FBXO43: variants seen among roughly 807,000 people sequenced by gnomAD.
The protein encoded by FBXO43 is F-box protein 43, also known as F-box only protein 43.
In FBXO43, 22 loss-of-function variants were observed where a neutral mutation model predicts 56.7. The ratio of observed to expected loss-of-function variants is 0.39; its 90% CI spans 0.28 to 0.55. The LOEUF (loss-of-function observed/expected upper bound fraction) is 0.55. FBXO43 is among the 20% of genes least tolerant of loss of function. FBXO43 has a pLI of 0.66. For synonymous variants in FBXO43, 306 were observed against 294.5 expected, an observed-to-expected ratio of 1.04 and a Z score of -0.40; for missense variants, 733 against 814.9, an observed-to-expected ratio of 0.90 and a Z score of 1.22.
rs1586349376 is a variant in FBXO43 at position 100,141,328 on chromosome 8, T to G, written c.926A>C (p.Asn309Thr). 2 of 1,613,774 alleles carry G rather than the reference T, an allele frequency of 1.2e-6. No individual in the cohort carries two copies. The highest frequency in any genetic ancestry group is 1.7e-5 in the Admixed American group (1 of 60,008). Residue 309 changes from asparagine to threonine, a missense_variant, in exon 2 of 5, where the codon AAC becomes ACC. Asn to Thr is a moderately conservative substitution (Grantham distance 65). Transcript: ENST00000428847. The part of the protein sequence containing the change: ...FVTPISNLVA[N>T]IRFNASQILS... ...TATTTGACTTGCGTTAAATCTAATG[T>G]TTGCCACAAGATTACTTATCGGAGT...
intron 1 of FBXO43, among the ~76,000 whole-genome samples, chr8:100,143,636 A>G (rs1266081538): frequency 1.6e-5 from 2 of 126,018 alleles, no homozygotes; most frequent in Non-Finnish European, 3.3e-5. Flanking sequence ...ATTTTGTTTT[A>G]CAAATATTAA....
chr8:100,140,754 T>G lies in FBXO43; in HGVS notation c.1500A>C (p.Glu500Asp). The stretch of plus-strand genomic sequence containing the variant: ...TATGCTTTAAATTTCTATATTTTAA[T>G]TCTGTTAAGATGTCCAGTTTTTCTA... ...MGIEKLDILT[E>D]LKYRNLKHIL... Residue 500 changes from glutamate to aspartate, a missense_variant, in exon 2 of 5, where the codon GAA becomes GAC. Transcript: ENST00000428847. 6.2e-7 allele frequency: 1 copy of G among 1,613,696 alleles called. No individual in the cohort carries two copies. The highest frequency in any genetic ancestry group is 1.7e-5 in the Admixed American group (1 of 59,960).
chr8:100,142,121 T>G lies in FBXO43; in HGVS notation c.133A>C (p.Thr45Pro). The G allele has an allele frequency of 6.2e-7, 1 of 1,606,770 alleles. No individual in the cohort carries two copies. Among genetic ancestry groups the G allele is most frequent in the Non-Finnish European group, 8.5e-7 (1 of 1,177,686 alleles). ...GAGTCCGCCCCATTTCCTGCTTCAG[T>G]GCCAGCTTGACCTGAGTGCCTTTGC... The part of the protein sequence containing the change: ...MSQRHSGQAG[T>P]EAGNGADSPP... Residue 45 changes from threonine (T) to proline (P), a missense_variant, in exon 2 of 5, where the codon ACT becomes CCT. By Grantham distance (38) the Thr-to-Pro change is conservative. Coordinates refer to ENST00000428847, the MANE Select transcript of FBXO43 (RefSeq NM_001029860.4).
intron 1 of FBXO43, among the ~76,000 whole-genome samples, chr8:100,142,619 G>C (rs1423042059): frequency 6.6e-6 from 1 of 152,030 alleles, no homozygotes; most frequent in Non-Finnish European, 1.5e-5. Context: ...TTGGGAATGT[G>C]TCAAATAATG....
rs962073265 is a variant in FBXO43 at position 100,134,350 on chromosome 8, A to C, written c.1689T>G (p.Asn563Lys). Residue 563 changes from asparagine (N) to lysine (K), a missense_variant, in exon 4 of 5, where the codon AAT becomes AAG. By Grantham distance (94) the Asn-to-Lys change is moderately conservative. Transcript: ENST00000428847. The stretch of plus-strand genomic sequence containing the variant: ...GGAGCCGAGTGGCAGCATCCTCGAC[A>C]TTTAATACAGCCCCCTGTGGTAAAG... ...LKTDSEGAVL[N>K]VEDAATRLQL... 1 of 1,613,474 alleles carries C rather than the reference A, an allele frequency of 6.2e-7. No individual in the cohort carries two copies. Among genetic ancestry groups the C allele is most frequent in the Non-Finnish European group, 8.5e-7 (1 of 1,180,012 alleles).
At position 100,145,429 on chromosome 8, in the gene FBXO43, A is replaced by G. The variant is rs1586356149; in HGVS notation, c.-294T>C. Reference sequence around the variant, plus strand: ...CTGGCACTGACTCCCCCGAGGAGCTATGGCGGGCGGGTGGGTAACGGTCTC... The same window carrying G: ...CTGGCACTGACTCCCCCGAGGAGCTGTGGCGGGCGGGTGGGTAACGGTCTC... On this transcript the variant is annotated 5_prime_UTR_variant, in exon 1 of 5. Transcript: ENST00000428847. 7.7e-6 allele frequency: 2 copies of G among 259,596 alleles called. No homozygotes were observed. Among genetic ancestry groups the G allele is most frequent in the South Asian group, 2.0e-4 (2 of 10,102 alleles). The allele number at this position is 259,596 out of a possible 1,614,324, so 16.1% of individuals were successfully genotyped here.
chr8:100,140,518 C>G (rs1434112669), intron 2 of FBXO43, among the ~76,000 whole-genome samples, 165 bp downstream of exon 2: 2 of 152,126 alleles, frequency 1.3e-5, no homozygotes, highest in East Asian at 3.9e-4. Context: ...ACGGAAGGAT[C>G]TGTACTAGGT....
rs1395678680 is a variant in FBXO43, at chr8:100,134,289, C to A, written c.1750G>T (p.Ala584Ser). Residue 584 changes from alanine to serine, a missense_variant, in exon 4 of 5, where the codon GCA becomes TCA. Ala to Ser is a moderately conservative substitution (Grantham distance 99, BLOSUM62 1). Coordinates refer to ENST00000428847, the MANE Select transcript of FBXO43 (RefSeq NM_001029860.4). ...TGAGAACCAGGTATCCTAGCCTGTGCCTGCACAGATCTTAAAGCTGAGCGA... is the reference window on the plus strand; with the variant it reads ...TGAGAACCAGGTATCCTAGCCTGTGACTGCACAGATCTTAAAGCTGAGCGA... ...LNRSALRSVQ[A>S]QARIPGSQRE... 1 of 1,614,098 alleles carries A rather than the reference C, an allele frequency of 6.2e-7. No homozygotes were observed. Among genetic ancestry groups the A allele is most frequent in the South Asian group, 1.1e-5 (1 of 91,080 alleles).
At chr8:100,142,506 G>T (rs986737273) in intron 1 of FBXO43, among the ~76,000 whole-genome samples, 1 of 152,112 alleles carries the variant, frequency 6.6e-6, no homozygotes, top group African/African-American at 2.4e-5. Flanking sequence ...ATTACCTTAT[G>T]ATTTTCACAG....
Position 100,145,138 on chromosome 8 carries a change from CA to C in FBXO43, c.-4del. The C allele has an allele frequency of 1.2e-6, 2 of 1,605,284 alleles. No individual in the cohort carries two copies. Among genetic ancestry groups the C allele is most frequent in the East Asian group, 4.5e-5 (2 of 44,820 alleles). Reference sequence around the variant, plus strand: ...TCATCTTTGTCTTTAAAACTCATGCCAAAATAATGCCACTTAAAGAGGAAAA... The same window carrying C: ...TCATCTTTGTCTTTAAAACTCATGCCAAATAATGCCACTTAAAGAGGAAAA... On this transcript the variant is annotated 5_prime_UTR_variant, in exon 1 of 5. Coordinates refer to ENST00000428847, the MANE Select transcript of FBXO43 (RefSeq NM_001029860.4).
chr8:100,141,014 C>G lies in FBXO43; in HGVS notation c.1240G>C (p.Ala414Pro). 1 of 1,614,250 alleles carries G rather than the reference C, an allele frequency of 6.2e-7. No homozygotes were observed. The highest frequency in any genetic ancestry group is 8.5e-7 in the Non-Finnish European group (1 of 1,180,040). Residue 414 changes from alanine (A) to proline (P), a missense_variant, in exon 2 of 5, where the codon GCT becomes CCT. Transcript: ENST00000428847. The stretch of plus-strand genomic sequence containing the variant: ...AGCTGACCCTCTGAGATGGCAGAAG[C>G]AGCTGCTGCTCTTTTTTCAGAGTCA... ...HPDSEKRAAA[A>P]SAISEGQLSS...
At chr8:100,142,195 G>A in intron 1 of FBXO43, 27 bp from the exon 2 acceptor site, 1 of 1,507,748 alleles carries the variant, frequency 6.6e-7, no homozygotes, top group Non-Finnish European at 8.8e-7. Context: ...AAGTTATTCT[G>A]CCTTTGAAAT....
chr8:100,143,395 A>G (rs3133668), intron 1 of FBXO43, among the ~76,000 whole-genome samples: 7,427 of 152,268 alleles, frequency 0.049, 542 homozygotes, highest in African/African-American at 0.15. Context: ...GCAAATTGCT[A>G]CTCTAAACAC....
At chr8:100,143,751 G>T (rs1814728900) in intron 1 of FBXO43, among the ~76,000 whole-genome samples, 1 of 152,066 alleles carries the variant, frequency 6.6e-6, no homozygotes, top group African/African-American at 2.4e-5. Context: ...TTGCGTCACA[G>T]CCCTTTTATT....
intron 1 of FBXO43, 117 bp from the exon 2 acceptor site, chr8:100,142,285 G>A: frequency 9.8e-7 from 1 of 1,018,088 alleles, no homozygotes; most frequent in Non-Finnish European, 1.3e-6. Context: ...GACAATTTTT[G>A]AAAAGTTACT....
At chr8:100,145,912 G>A (rs3116092), upstream of FBXO43, 8,330 of 152,834 alleles carry the variant, frequency 0.055, 681 homozygotes, top group African/African-American at 0.17. Context: ...CCGCCCGGCC[G>A]CCCGCAGGCC....
rs762562629 is a variant in FBXO43 at position 100,142,088 on chromosome 8, T to G, written c.166A>C (p.Ile56Leu). 9.3e-6 allele frequency: 15 copies of G among 1,613,362 alleles called. No individual in the cohort carries two copies. ...AAGGTGGAGTACTTGGAGTTGACAA[T>G]TGGAGGAGAGTCCGCCCCATTTCCT... ...EAGNGADSPP[I>L]VNSKYSTFRD... Residue 56 changes from isoleucine to leucine, a missense_variant, in exon 2 of 5, where the codon ATT (isoleucine) becomes CTT (leucine). Coordinates refer to ENST00000428847, the MANE Select transcript of FBXO43 (RefSeq NM_001029860.4).
At chr8:100,148,193 G>A (rs938760156), upstream of FBXO43, among the ~76,000 whole-genome samples, 1 of 151,952 alleles carries the variant, frequency 6.6e-6, no homozygotes, top group African/African-American at 2.4e-5. Context: ...TTTTTCTCCA[G>A]TTAATTTATT....
chr8:100,148,900 A>C (rs2132153770), upstream of FBXO43, among the ~76,000 whole-genome samples: 1 of 152,360 alleles, frequency 6.6e-6, no homozygotes, highest in Non-Finnish European at 1.5e-5. Context: ...TCAAGGAAAA[A>C]GGAAAGACAG....
Sources: gnomAD v4.1 joint callset for allele counts (sites outside exome capture counted in the v4.1 genomes callset) on GRCh38, gnomAD v4.1.1 for gene constraint, MANE v1.5 for transcripts, NCBI Gene and HGNC (gene_info 2026-07-23, HGNC 2026-07-21) for gene names.